ELK3: variants seen among roughly 807,000 people sequenced by gnomAD.
ELK3 encodes the protein ETS transcription factor ELK3, also known as ETS domain-containing protein Elk-3.
Under a neutral mutation model 28.9 loss-of-function variants are expected in ELK3, and 10 were observed. The ratio of observed to expected loss-of-function variants is 0.35; its 90% CI spans 0.21 to 0.59. The LOEUF (loss-of-function observed/expected upper bound fraction) is 0.59. ELK3 is among the 20% of genes least tolerant of loss of function. The pLI is 0.82. For missense variants in ELK3, 463 were observed against 517.3 expected (o/e 0.90, Z 1.02); for synonymous variants, 272 against 243.5 (o/e 1.12, Z -1.09).
intron 4 of ELK3, among the ~76,000 whole-genome samples, chr12:96,262,735 G>C (rs7315959): frequency 0.052 from 7,897 of 152,088 alleles, 271 homozygotes; most frequent in Non-Finnish European, 0.064. Context: ...ATAACTTTCT[G>C]ATTTTTAAAA....
At chr12:96,220,348 G>A (rs913833928) in intron 1 of ELK3, among the ~76,000 whole-genome samples, 1 of 149,766 alleles carries the variant, frequency 6.7e-6, no homozygotes, top group Non-Finnish European at 1.5e-5. Flanking sequence ...GTGATCAGCC[G>A]ATCCCTCCAC....
intron 1 of ELK3, among the ~76,000 whole-genome samples, chr12:96,207,128 G>A (rs987445125): frequency 4.6e-5 from 7 of 152,120 alleles, no homozygotes; most frequent in Admixed American, 1.3e-4. Flanking sequence ...TCTACAAGTC[G>A]GGTTTGGTTT....
intron 1 of ELK3, among the ~76,000 whole-genome samples, chr12:96,196,936 G>A (rs954590373): frequency 4.0e-5 from 6 of 151,810 alleles, no homozygotes; most frequent in African/African-American, 9.7e-5. Context: ...GCCCGACCGG[G>A]GTATGAGTCA....
intron 1 of ELK3, among the ~76,000 whole-genome samples, chr12:96,215,034 G>A (rs1011160151): frequency 4.6e-5 from 7 of 151,610 alleles, no homozygotes; most frequent in Non-Finnish European, 1.0e-4. Context: ...AAAAGACATG[G>A]GTACCTCATG....
chr12:96,243,641 G>T (rs991376369), intron 2 of ELK3, among the ~76,000 whole-genome samples: 3 of 152,140 alleles, frequency 2.0e-5, no homozygotes, highest in Non-Finnish European at 1.5e-5. Flanking sequence ...ACGAGGTCAG[G>T]AGATCGAGAC....
chr12:96,225,534 G>A lies in ELK3; in HGVS notation c.207+1761G>A, dbSNP rs189861822. ...TGTCAGACGTCTAAGGTGCTGTGCT[G>A]AGCACTTCTTCCCCTTGTCTCCTTT... On this transcript the variant is annotated intron_variant, in intron 2 of 4. Coordinates refer to ENST00000228741, the MANE Select transcript of ELK3 (RefSeq NM_005230.4). Among the ~76,000 whole-genome samples the A allele has an allele frequency of 2.0e-5, 3 of 152,340 alleles. No individual in the cohort carries two copies. The East Asian group carries it at 5.8e-4, about 29-fold the overall frequency.
chr12:96,221,353 C>T (rs909420770), intron 1 of ELK3, among the ~76,000 whole-genome samples: 5 of 152,238 alleles, frequency 3.3e-5, no homozygotes, highest in Admixed American at 2.6e-4. Flanking sequence ...TTCTGCTGCC[C>T]TCCTGTCCCA....
At chr12:96,225,488 C>CAAGT (rs1951692460) in intron 2 of ELK3, among the ~76,000 whole-genome samples, 1 of 152,228 alleles carries the variant, frequency 6.6e-6, no homozygotes, top group Non-Finnish European at 1.5e-5. Flanking sequence ...CTTCAGTCAA[C>CAAGT]AAGTATGTTC....
intron 2 of ELK3, among the ~76,000 whole-genome samples, chr12:96,235,273 G>C (rs1482250489): frequency 6.8e-6 from 1 of 147,808 alleles, no homozygotes; most frequent in African/African-American, 2.5e-5. Flanking sequence ...CTCACTCCTG[G>C]CCACCCTTCA....
Position 96,267,920 on chromosome 12 carries a change from A to G in ELK3, c.*740A>G, listed in dbSNP as rs1222723838. ...CTGTTTACAGTATCTTATCTTTTAG[A>G]TGCCTCCCAGACAAAAATCTGAGAT... On this transcript the variant is annotated 3_prime_UTR_variant, in exon 5 of 5. Transcript: ENST00000228741. 1 of 152,456 alleles carries G rather than the reference A, an allele frequency of 6.6e-6. No homozygotes were observed. Among genetic ancestry groups the G allele is most frequent in the African/African-American group, 2.4e-5 (1 of 41,468 alleles). 9.4% of individuals were successfully genotyped at this position (152,456 alleles called of 1,614,324 possible). A position where few individuals can be genotyped will look rare whatever the true frequency, so the allele number is the denominator to read the frequency against.
chr12:96,252,973 C>A (rs965750667), intron 3 of ELK3, among the ~76,000 whole-genome samples: 1 of 152,158 alleles, frequency 6.6e-6, no homozygotes, highest in Non-Finnish European at 1.5e-5. Context: ...AAGGAATAAT[C>A]AATTGGGCCA....
At chr12:96,263,904 T>TAGAG in intron 4 of ELK3, among the ~76,000 whole-genome samples, 1 of 152,302 alleles carries the variant, frequency 6.6e-6, no homozygotes, top group East Asian at 1.9e-4. Flanking sequence ...ATCTCTGTTT[T>TAGAG]AGAGAACAAT....
rs558628116 is a variant in ELK3, at chr12:96,203,636, C to T, written c.-3+8931C>T. 2.0e-5 allele frequency among the ~76,000 whole-genome samples: 3 copies of T among 152,210 alleles called. No individual in the cohort carries two copies. In the South Asian group the frequency reaches 6.2e-4, roughly 32 times the overall value. ...GAGTTACTTGGATGAATAGGCAGATCTCTTGGTTAAACCATAAAGACAGGC... is the reference window on the plus strand; with the variant it reads ...GAGTTACTTGGATGAATAGGCAGATTTCTTGGTTAAACCATAAAGACAGGC... On this transcript the variant is annotated intron_variant, in intron 1 of 4. Transcript: ENST00000228741.
chr12:96,223,944 C>T, intron 2 of ELK3, 171 bp downstream of exon 2: 1 of 674,420 alleles, frequency 1.5e-6, no homozygotes, highest in East Asian at 2.8e-5. Flanking sequence ...TTTCCCCACC[C>T]TCTGGACGCC....
chr12:96,210,253 TC>T (rs1262799630), intron 1 of ELK3, among the ~76,000 whole-genome samples: 1 of 152,176 alleles, frequency 6.6e-6, no homozygotes, highest in Non-Finnish European at 1.5e-5. Flanking sequence ...CCTGTTTTTT[TC>T]GGGGCATGTT....
rs1019015409 is a variant in ELK3, at chr12:96,269,711, C to T, written c.*2531C>T. On this transcript the variant is annotated 3_prime_UTR_variant, in exon 5 of 5. Coordinates refer to ENST00000228741, the MANE Select transcript of ELK3 (RefSeq NM_005230.4). ...GGAAAAGTTTTATAGAACTATATAA[C>T]CTGAATGTTGGTCTCTTTGTACACA... The T allele has an allele frequency of 2.6e-5, 4 of 152,184 alleles. No individual in the cohort carries two copies. The highest frequency in any genetic ancestry group is 2.6e-4 in the Admixed American group (4 of 15,280). The allele number at this position is 152,184 out of a possible 1,614,324, so 9.4% of individuals were successfully genotyped here.
rs1427117457 is a variant in ELK3, at chr12:96,213,159, T to C, written c.-2-10406T>C. Among the ~76,000 whole-genome samples the C allele has an allele frequency of 2.0e-5, 3 of 152,312 alleles. No homozygotes were observed. In the East Asian group the frequency reaches 5.8e-4, roughly 29 times the overall value. The stretch of plus-strand genomic sequence containing the variant: ...AACCTTGTTGAAGGTTTAAAACATA[T>C]ATAAGCCTTTGGCGCAGTGCCATGC... On this transcript the variant is annotated intron_variant, in intron 1 of 4. Transcript: ENST00000228741.
chr12:96,207,693 C>T (rs1005151441), intron 1 of ELK3, among the ~76,000 whole-genome samples: 3 of 152,152 alleles, frequency 2.0e-5, no homozygotes, highest in South Asian at 2.1e-4. Context: ...TCATGAATAC[C>T]AGTAACTCAT....
At chr12:96,267,018 A>AAT in intron 4 of ELK3, 64 bp from the exon 5 acceptor site, 2 of 1,424,774 alleles carry the variant, frequency 1.4e-6, no homozygotes, top group Non-Finnish European at 1.9e-6. Flanking sequence ...TGGGAATGTA[A>AAT]AGAACCTAAG....
Sources: allele counts gnomAD v4.1 joint callset (sites outside exome capture counted in the v4.1 genomes callset), GRCh38; gene constraint gnomAD v4.1.1; transcripts MANE v1.5; gene names NCBI Gene and HGNC (gene_info 2026-07-23, HGNC 2026-07-21).